The following UMODL1 variants were observed in gnomAD, a reference collection of about 807,000 sequenced individuals.
The protein encoded by UMODL1 is uromodulin like 1.
A neutral mutation model predicts 136.3 loss-of-function variants in UMODL1; 128 were observed. That is an observed-to-expected ratio of 0.94 (90% CI 0.81 to 1.09). UMODL1 has a LOEUF of 1.09. UMODL1 is among the 50% of genes least tolerant of loss of function. The pLI, the probability that UMODL1 is intolerant of heterozygous loss-of-function variation, is 0.00. For synonymous variants in UMODL1, 721 were observed against 720.0 expected, an observed-to-expected ratio of 1.00 and a Z score of -0.02; for missense variants, 1,766 against 1,725.6, an observed-to-expected ratio of 1.02 and a Z score of -0.41.
At chr21:42,125,123 C>G (rs1223065914) in intron 17 of UMODL1, among the ~76,000 whole-genome samples, 10 of 152,126 alleles carry the variant, frequency 6.6e-5, no homozygotes, top group Admixed American at 6.5e-4. Context: ...CAGATGAAAC[C>G]CAGAGTCCTG....
In UMODL1 at chr21:42,106,337, C is replaced by G. The variant is rs190672888; in HGVS notation, c.1519+2250C>G. Among the ~76,000 whole-genome samples, 428 of 152,306 alleles carry G rather than the reference C, an allele frequency of 2.8e-3. 2 individuals carry two copies. The highest frequency in any genetic ancestry group is 0.01 in the Middle Eastern group (3 of 294). On this transcript the variant is annotated intron_variant, in intron 9 of 22. Coordinates refer to ENST00000408910, the MANE Select transcript of UMODL1 (RefSeq NM_001004416.3). ...ATTTGATATTACTCGGCAAAAAAAA[C>G]AAGAAACGAAAACACAAAAAGAGCT...
intron 1 of UMODL1, among the ~76,000 whole-genome samples, chr21:42,074,573 G>A (rs558962107): frequency 6.6e-6 from 1 of 152,312 alleles, no homozygotes; most frequent in Admixed American, 6.5e-5. Flanking sequence ...CGAGAACGGA[G>A]TAATCACGTT....
At chr21:42,083,724 C>A (rs1266434917) in intron 2 of UMODL1, among the ~76,000 whole-genome samples, 1 of 152,234 alleles carries the variant, frequency 6.6e-6, no homozygotes. Context: ...AGGTGCTCAA[C>A]AAATATTGAA....
At chr21:42,127,989 G>T in intron 20 of UMODL1, 158 bp downstream of exon 20, 2 of 937,242 alleles carry the variant, frequency 2.1e-6, no homozygotes, top group Non-Finnish European at 3.3e-6. Flanking sequence ...GTCTGAAATG[G>T]TATTTCCACG....
At chr21:42,114,677 C>T (rs1004136705) in intron 13 of UMODL1, among the ~76,000 whole-genome samples, 1 of 152,262 alleles carries the variant, frequency 6.6e-6, no homozygotes, top group African/African-American at 2.4e-5. Flanking sequence ...CTTTAAAGTA[C>T]TAATCAGCCA....
rs781504065 is a variant in UMODL1, at chr21:42,088,508, G to A, written c.790+28G>A. On this transcript the variant is annotated intron_variant, in intron 5 of 22. Transcript: ENST00000408910. ...TGGGCTTCCCTCAATCCTCCCTCTG[G>A]GGAGGCTGCAGGGTGGTGCCTGAAC... 19 of 1,575,216 alleles carry A rather than the reference G, an allele frequency of 1.2e-5. No homozygotes were observed. In the South Asian group the frequency reaches 2.1e-4, roughly 17 times the overall value.
At chr21:42,083,972 A>T in intron 2 of UMODL1, 112 bp from the exon 3 acceptor site, 1 of 1,361,172 alleles carries the variant, frequency 7.3e-7, no homozygotes, top group Non-Finnish European at 1.0e-6. Flanking sequence ...CGAACAGGCC[A>T]CAGACCTACA....
At position 42,137,319 on chromosome 21, in the gene UMODL1, C is replaced by T. The variant is rs141545688; in HGVS notation, c.3776-120C>T. 4.6e-4 allele frequency: 580 copies of T among 1,269,226 alleles called. 1 individual carries two copies. The African/African-American group carries it at 5.4e-3, about 12-fold the overall frequency. The allele number at this position is 1,269,226 out of a possible 1,614,324, so 78.6% of individuals were successfully genotyped here. On this transcript the variant is annotated intron_variant, in intron 21 of 22. Transcript: ENST00000408910. ...TAACCCACAGGCACACGGGTGCACA[C>T]GTGGGCCTTGCATTCCCCGTGCTTC...
At chr21:42,127,936 C>T in intron 20 of UMODL1, 105 bp downstream of exon 20, 1 of 1,479,674 alleles carries the variant, frequency 6.8e-7, no homozygotes, top group African/African-American at 1.4e-5. Flanking sequence ...GGCTCGGGGC[C>T]AACCTCTGGG....
In UMODL1 at chr21:42,119,125, G is replaced by T; in HGVS notation, c.2490G>T (p.Leu830=). The T allele has an allele frequency of 1.2e-6, 2 of 1,612,742 alleles. No individual in the cohort carries two copies. The highest frequency in any genetic ancestry group is 1.7e-6 in the Non-Finnish European group (2 of 1,179,542). ...TTTCCCCGCAGGTGCGGGGCTCCCT[G>T]CCAGCCACCATGTGTCAGCACATGG... The part of the protein sequence containing the change: ...ELFFRMVRGS[L]PATMCQHMDA... The change falls in exon 15 of 23, where the codon CTG becomes CTT. Residue 830 remains leucine (L), a synonymous_variant. Transcript: ENST00000408910.
rs372849059 is a variant in UMODL1 at position 42,123,178 on chromosome 21, T to G, written c.3147+28T>G. ...AAGACCAGGAGAGCCAGGCTCAGGATGTACACTAGGGCGCAAGGGGCTCTA... is the reference window on the plus strand; with the variant it reads ...AAGACCAGGAGAGCCAGGCTCAGGAGGTACACTAGGGCGCAAGGGGCTCTA... On this transcript the variant is annotated intron_variant, in intron 17 of 22. Transcript: ENST00000408910. This position sits in a 1 kb window ranked among gnomAD's most constrained non-coding sequence, Gnocchi z 4.4. The G allele has an allele frequency of 1.7e-5, 27 of 1,590,838 alleles. 1 individual carries two copies. Among genetic ancestry groups the G allele is most frequent in the Non-Finnish European group, 2.1e-5 (25 of 1,165,882 alleles).
At chr21:42,112,928 C>G (rs2066855330) in intron 12 of UMODL1, 2 of 152,768 alleles carry the variant, frequency 1.3e-5, no homozygotes, top group African/African-American at 4.8e-5. Context: ...ATCACCAAAC[C>G]CCCAGGTGAC....
chr21:42,095,468 G>A (rs183181375), intron 6 of UMODL1, among the ~76,000 whole-genome samples: 1 of 131,126 alleles, frequency 7.6e-6, no homozygotes, highest in East Asian at 2.3e-4. Flanking sequence ...CTTTGTGTGT[G>A]TGTGTGTGTC....
intron 1 of UMODL1, among the ~76,000 whole-genome samples, chr21:42,072,566 C>T (rs1471856241): frequency 6.6e-6 from 1 of 152,210 alleles, no homozygotes; most frequent in African/African-American, 2.4e-5. Context: ...CGGGGCAGAA[C>T]CTCAGCAACC....
Position 42,098,687 on chromosome 21 carries a change from A to C in UMODL1, c.932-239A>C, listed in dbSNP as rs555838344. ...GGAGGCTGAGGCAGAGAATTGCTTGAACCCGGGAGGCAGAGGTTGCAGTGA... is the reference window on the plus strand; with the variant it reads ...GGAGGCTGAGGCAGAGAATTGCTTGCACCCGGGAGGCAGAGGTTGCAGTGA... On this transcript the variant is annotated intron_variant, in intron 6 of 22. Transcript: ENST00000408910. 2.8e-4 allele frequency among the ~76,000 whole-genome samples: 42 copies of C among 152,260 alleles called. No homozygotes were observed. The East Asian group carries it at 8.1e-3, about 29-fold the overall frequency.
At chr21:42,137,337 C>A in intron 21 of UMODL1, 102 bp from the exon 22 acceptor site, 1 of 1,437,790 alleles carries the variant, frequency 7.0e-7, no homozygotes, top group Non-Finnish European at 9.6e-7. Flanking sequence ...TTGCATTCCC[C>A]GTGCTTCAGA....
At chr21:42,107,255 G>T (rs1449458623) in intron 9 of UMODL1, among the ~76,000 whole-genome samples, 2 of 152,218 alleles carry the variant, frequency 1.3e-5, no homozygotes, top group African/African-American at 4.8e-5. Flanking sequence ...TGAACCCTCT[G>T]CACCGACCTT....
rs118182656 is a variant in UMODL1 at position 42,082,858 on chromosome 21, C to T, written c.320-1226C>T. On this transcript the variant is annotated intron_variant, in intron 2 of 22. Transcript: ENST00000408910. ...GGAGCCCTGAGCATCAGCCTCCGGA[C>T]TCCTGACAGCTTCCCTTTGGGTGGA... Among the ~76,000 whole-genome samples the T allele has an allele frequency of 1.7e-3, 255 of 152,364 alleles. 1 individual carries two copies. Among genetic ancestry groups the T allele is most frequent in the Non-Finnish European group, 2.5e-3 (168 of 68,044 alleles).
chr21:42,126,263 A>T (rs1010086350), intron 17 of UMODL1, 82 bp from the exon 18 acceptor site: 1 of 1,582,538 alleles, frequency 6.3e-7, no homozygotes, highest in Admixed American at 1.7e-5. Context: ...CCATCCCCCC[A>T]GCACCTAGAG....
Sources: allele counts gnomAD v4.1 joint callset (sites outside exome capture counted in the v4.1 genomes callset), GRCh38; gene constraint gnomAD v4.1.1; non-coding constraint Gnocchi (gnomAD v3.1); transcripts MANE v1.5; gene names NCBI Gene and HGNC (gene_info 2026-07-23, HGNC 2026-07-21).